ADGRG6: variants seen among roughly 807,000 people sequenced by gnomAD.
The protein encoded by ADGRG6 is adhesion G protein-coupled receptor G6, also known as G-protein coupled receptor 126.
ADGRG6 carries 84 observed loss-of-function variants against 142.4 expected under a neutral mutation model. The observed-to-expected ratio is 0.59, with a 90% CI of 0.49 to 0.71. The LOEUF is 0.71. Ranked by LOEUF, ADGRG6 falls within the 30% of genes least tolerant of loss-of-function variation. The pLI, the probability that ADGRG6 is intolerant of heterozygous loss-of-function variation, is 0.00. For missense variants in ADGRG6, 1,367 were observed against 1,466.6 expected, an observed-to-expected ratio of 0.93 and a Z score of 1.11; for synonymous variants, 521 against 520.5, an observed-to-expected ratio of 1.00 and a Z score of -0.01.
intron 9 of ADGRG6, among the ~76,000 whole-genome samples, chr6:142,396,318 T>G (rs1775192930): frequency 6.6e-6 from 1 of 152,178 alleles, no homozygotes; most frequent in South Asian, 2.1e-4. Context: ...TTCATTATGT[T>G]TGCCTCATCC....
intron 2 of ADGRG6, among the ~76,000 whole-genome samples, chr6:142,347,767 A>G (rs1196800310): frequency 6.6e-6 from 1 of 152,204 alleles, no homozygotes; most frequent in Non-Finnish European, 1.5e-5. Flanking sequence ...GTCTCAGTGC[A>G]AAAGAGTTAA....
intron 24 of ADGRG6, 142 bp downstream of exon 24, chr6:142,438,506 T>A (rs988268907): frequency 7.0e-5 from 36 of 512,898 alleles, no homozygotes; most frequent in Non-Finnish European, 3.0e-5. Flanking sequence ...TTGAAGACGT[T>A]ATCCAACACC....
chr6:142,386,145 AT>A (rs1583071729), intron 6 of ADGRG6, among the ~76,000 whole-genome samples: 2 of 152,166 alleles, frequency 1.3e-5, no homozygotes, highest in Non-Finnish European at 2.9e-5. Flanking sequence ...CTTTTGTGAA[AT>A]GTCCCTGTTT....
At chr6:142,328,913 G>A (rs1778909580) in intron 2 of ADGRG6, among the ~76,000 whole-genome samples, 1 of 152,160 alleles carries the variant, frequency 6.6e-6, no homozygotes, top group Admixed American at 6.5e-5. Flanking sequence ...TAAAAAGTCT[G>A]TCCAGCATTT....
intron 22 of ADGRG6, among the ~76,000 whole-genome samples, chr6:142,431,190 T>C (rs988637459): frequency 4.6e-5 from 7 of 152,142 alleles, no homozygotes; most frequent in African/African-American, 1.2e-4. Flanking sequence ...TTTTGGGAGC[T>C]GATTAGGAAT....
intron 9 of ADGRG6, among the ~76,000 whole-genome samples, chr6:142,395,149 G>T (rs6570509): frequency 0.41 from 61,834 of 151,858 alleles, 14,686 homozygotes; most frequent in African/African-American, 0.67. Flanking sequence ...TGTATACATA[G>T]TAAATGGACT....
chr6:142,370,123 T>C, intron 3 of ADGRG6, 47 bp from the exon 4 acceptor site: 3 of 1,514,776 alleles, frequency 2.0e-6, no homozygotes, highest in Non-Finnish European at 2.7e-6. Context: ...CATTAGTCTG[T>C]GTTCTGAAGT....
intron 10 of ADGRG6, among the ~76,000 whole-genome samples, chr6:142,399,947 G>A (rs1775417376): frequency 6.6e-6 from 1 of 152,168 alleles, no homozygotes; most frequent in Admixed American, 6.5e-5. Flanking sequence ...GGATAAAGAA[G>A]TCTGAGAGTT....
chr6:142,303,629 CTCA>C (rs1777336258), intron 1 of ADGRG6, among the ~76,000 whole-genome samples: 1 of 152,120 alleles, frequency 6.6e-6, no homozygotes, highest in South Asian at 2.1e-4. Context: ...AAGACTTGTT[CTCA>C]TATACAGGCT....
At chr6:142,403,503 C>T (rs1357492430) in intron 13 of ADGRG6, among the ~76,000 whole-genome samples, 1 of 152,016 alleles carries the variant, frequency 6.6e-6, no homozygotes, top group South Asian at 2.1e-4. Flanking sequence ...AGGGAGGATG[C>T]TTTTTCATGT....
At chr6:142,369,138 C>G (rs1781097528) in intron 3 of ADGRG6, among the ~76,000 whole-genome samples, 1 of 152,056 alleles carries the variant, frequency 6.6e-6, no homozygotes, top group Non-Finnish European at 1.5e-5. Flanking sequence ...AACTGTTTTT[C>G]ATATGAAACC....
At chr6:142,436,211 C>T (rs1055711310) in intron 22 of ADGRG6, among the ~76,000 whole-genome samples, 33 of 151,996 alleles carry the variant, frequency 2.2e-4, no homozygotes, top group Non-Finnish European at 3.4e-4. Context: ...GCAATGTAAC[C>T]ATAGAAGAGA....
Position 142,415,143 on chromosome 6 carries a change from T to C in ADGRG6, c.2669+47T>C, listed in dbSNP as rs569116659. On this transcript the variant is annotated intron_variant, in intron 19 of 24. Coordinates refer to ENST00000367609, the MANE Select transcript of ADGRG6 (RefSeq NM_198569.3). ...CAAACCCATTGCTAACTGTTCCAAA[T>C]GTGAATAAGAAAATTGCCTCGGCTT... is the stretch of plus-strand genomic sequence containing the variant. 5 of 1,524,582 alleles carry C rather than the reference T, an allele frequency of 3.3e-6. No homozygotes were observed. The South Asian group carries it at 5.0e-5, about 15-fold the overall frequency. The allele number at this position is 1,524,582 out of a possible 1,614,324, so 94.4% of individuals were successfully genotyped here.
At chr6:142,324,824 G>A (rs946632760) in intron 2 of ADGRG6, among the ~76,000 whole-genome samples, 14 of 152,096 alleles carry the variant, frequency 9.2e-5, no homozygotes, top group African/African-American at 3.4e-4. Context: ...AGTGCCTACA[G>A]GTAGGGAGTA....
intron 15 of ADGRG6, among the ~76,000 whole-genome samples, chr6:142,407,383 G>C (rs1775862762): frequency 6.6e-6 from 1 of 151,958 alleles, no homozygotes; most frequent in Non-Finnish European, 1.5e-5. Flanking sequence ...TTAACAAAAA[G>C]CTATATTCTG....
At chr6:142,424,809 G>T (rs566346083) in intron 22 of ADGRG6, among the ~76,000 whole-genome samples, 24 of 152,184 alleles carry the variant, frequency 1.6e-4, no homozygotes, top group African/African-American at 5.3e-4. Flanking sequence ...TTATATTCTA[G>T]TAGGGGAGAC....
chr6:142,417,103 T>C (rs551949189), intron 20 of ADGRG6, 170 bp from the exon 21 acceptor site: 2 of 669,804 alleles, frequency 3.0e-6, no homozygotes, highest in East Asian at 5.6e-5. Context: ...AGGAGGGGAT[T>C]TTGTTGTTAA....
intron 1 of ADGRG6, among the ~76,000 whole-genome samples, chr6:142,305,276 A>G (rs1026275678): frequency 6.6e-6 from 1 of 152,182 alleles, no homozygotes; most frequent in Non-Finnish European, 1.5e-5. Context: ...TTTAGAAATC[A>G]TTTTAAATCT....
intron 2 of ADGRG6, among the ~76,000 whole-genome samples, chr6:142,320,478 G>A (rs1778459043): frequency 6.6e-6 from 1 of 152,002 alleles, no homozygotes; most frequent in Non-Finnish European, 1.5e-5. Context: ...TTAGTAGCAT[G>A]AATTAAAATG....
Sources: allele counts gnomAD v4.1 joint callset (sites outside exome capture counted in the v4.1 genomes callset), GRCh38; gene constraint gnomAD v4.1.1; transcripts MANE v1.5; gene names NCBI Gene and HGNC (gene_info 2026-07-23, HGNC 2026-07-21).